The following DCDC2 variants were observed in gnomAD, a reference collection of about 807,000 sequenced individuals.
The protein encoded by DCDC2 is doublecortin domain containing 2, also known as doublecortin domain-containing protein 2.
DCDC2 carries 40 observed loss-of-function variants against 50.2 expected under a neutral mutation model. The ratio of observed to expected loss-of-function variants is 0.80; its 90% CI spans 0.62 to 1.04. The LOEUF is 1.04. Ranked by LOEUF, DCDC2 falls within the 50% of genes least tolerant of loss-of-function variation. The pLI is 0.00. For synonymous variants in DCDC2, 234 were observed against 210.6 expected, an observed-to-expected ratio of 1.11 and a Z score of -0.96; for missense variants, 570 against 581.9, an observed-to-expected ratio of 0.98 and a Z score of 0.21.
intron 6 of DCDC2, among the ~76,000 whole-genome samples, chr6:24,287,342 T>C (rs1440241773): frequency 1.5e-5 from 2 of 129,286 alleles, no homozygotes; most frequent in Non-Finnish European, 3.3e-5. Context: ...TTGTATTGTA[T>C]TGTATTTTAT....
chr6:24,239,454 G>A (rs139229332), intron 7 of DCDC2, among the ~76,000 whole-genome samples: 2,195 of 152,254 alleles, frequency 0.014, 16 homozygotes, highest in Middle Eastern at 0.044. Flanking sequence ...AACTGGGATA[G>A]TTGACCGGCT....
chr6:24,248,269 T>C (rs554335477), intron 7 of DCDC2, among the ~76,000 whole-genome samples: 1 of 152,124 alleles, frequency 6.6e-6, no homozygotes, highest in East Asian at 1.9e-4. Context: ...CAGGACACCA[T>C]ACGGTGCAGT....
intron 2 of DCDC2, among the ~76,000 whole-genome samples, chr6:24,349,400 C>G (rs551496900): frequency 5.9e-5 from 9 of 152,226 alleles, no homozygotes; most frequent in Non-Finnish European, 1.0e-4. Flanking sequence ...AACATGGAAG[C>G]AGAGAGGACA....
intron 2 of DCDC2, among the ~76,000 whole-genome samples, chr6:24,303,371 C>G: frequency 6.6e-6 from 1 of 152,214 alleles, no homozygotes; most frequent in Non-Finnish European, 1.5e-5. Context: ...CTCCTCGTCA[C>G]GCACTGTAGT....
At position 24,278,168 on chromosome 6, in the gene DCDC2, T is replaced by C. The variant is rs928681863; in HGVS notation, c.803A>G (p.Asn268Ser). Residue 268 changes from asparagine to serine, a missense_variant, in exon 7 of 10, where the codon AAC (asparagine) becomes AGC (serine). By Grantham distance (46) the Asn-to-Ser change is conservative (BLOSUM62 1). Transcript: ENST00000378454. ...CCTCTTCAGGGGCTGAGGAGATGAG[T>C]TGTCACTGGATCCAACTGTTGACTT... Reference protein sequence around the residue: ...HSKSTVGSSDNSSPQPLKRKG... With the variant: ...HSKSTVGSSDSSSPQPLKRKG... 11 of 1,613,744 alleles carry C rather than the reference T, an allele frequency of 6.8e-6. No homozygotes were observed. Among genetic ancestry groups the C allele is most frequent in the Non-Finnish European group, 8.5e-6 (10 of 1,179,930 alleles).
rs1760504471 is a variant in DCDC2 at position 24,357,741 on chromosome 6, T to G, written c.10A>C (p.Ser4Arg). ...GACAGGTGGCTGGACCTGGCGCTGC[T>G]GCCGCTCATCTTCCCCGCTGGCCGC... is the stretch of plus-strand genomic sequence containing the variant. MSG[S>R]SARSSHLSQP... is the part of the protein sequence containing the mutation. Residue 4 changes from serine to arginine, a missense_variant, in exon 1 of 10, where the codon AGC (serine) becomes CGC (arginine). By Grantham distance (110) the Ser-to-Arg change is moderately radical. Coordinates refer to ENST00000378454, the MANE Select transcript of DCDC2 (RefSeq NM_016356.5). 20 of 1,612,300 alleles carry G rather than the reference T, an allele frequency of 1.2e-5. No individual in the cohort carries two copies. Among genetic ancestry groups the G allele is most frequent in the Non-Finnish European group, 1.7e-5 (20 of 1,179,408 alleles).
At chr6:24,365,361 G>A in the DCDC2 span, among the ~76,000 whole-genome samples, 5 of 152,294 alleles carry the variant, frequency 3.3e-5, no homozygotes, top group East Asian at 5.8e-4. Flanking sequence ...GCATGATCTC[G>A]GCTTACTGCA....
chr6:24,308,678 T>C (rs772762004), intron 2 of DCDC2, among the ~76,000 whole-genome samples: 4 of 152,030 alleles, frequency 2.6e-5, no homozygotes, highest in Admixed American at 6.6e-5. Context: ...GTTAAAAAAT[T>C]CAGTAGAAAA....
At chr6:24,248,509 G>A (rs2113797108) in intron 7 of DCDC2, among the ~76,000 whole-genome samples, 1 of 152,152 alleles carries the variant, frequency 6.6e-6, no homozygotes, top group East Asian at 1.9e-4. Context: ...TATTAGTATT[G>A]GTAGTATTAG....
chr6:24,193,192 C>A (rs1278730609), intron 8 of DCDC2, among the ~76,000 whole-genome samples: 1 of 151,948 alleles, frequency 6.6e-6, no homozygotes, highest in Non-Finnish European at 1.5e-5. Flanking sequence ...TTCAGACATG[C>A]AAAGTCTCAG....
intron 2 of DCDC2, among the ~76,000 whole-genome samples, chr6:24,338,102 T>G (rs561038399): frequency 6.6e-6 from 1 of 152,342 alleles, no homozygotes; most frequent in South Asian, 2.1e-4. Flanking sequence ...GTTTTCATTA[T>G]CAATTTCCTC....
At position 24,324,303 on chromosome 6, in the gene DCDC2, C is replaced by G. The variant is rs189372949; in HGVS notation, c.349-22259G>C. ...ACCACCCCCTTACCTAATCAGCCCA[C>G]TGTAAGCTAATCTCTATCCTACTAG... On this transcript the variant is annotated intron_variant, in intron 2 of 9. Transcript: ENST00000378454. Among the ~76,000 whole-genome samples the G allele has an allele frequency of 1.6e-4, 25 of 152,314 alleles. No individual in the cohort carries two copies. The East Asian group carries it at 3.9e-3, about 23-fold the overall frequency.
chr6:24,275,591 G>A (rs1222416534), intron 7 of DCDC2, among the ~76,000 whole-genome samples: 2 of 151,978 alleles, frequency 1.3e-5, no homozygotes, highest in Non-Finnish European at 2.9e-5. Flanking sequence ...CACCAGCAGC[G>A]TTTCCTGTAA....
chr6:24,357,558 T>C lies in DCDC2; in HGVS notation c.193A>G (p.Ile65Val), dbSNP rs779527972. Residue 65 changes from isoleucine to valine, a missense_variant, in exon 1 of 10, where the codon ATC becomes GTC. Physicochemically the swap from Ile to Val is conservative, Grantham distance 29 (BLOSUM62 3). Transcript: ENST00000378454. ...VQAPFGAVRN[I>V]YTPRTGHRIR... ...CGGTGGCCAGTCCGCGGGGTGTAGA[T>C]GTTCCTGACGGCCCCAAAGGGTGCC... 3 of 1,613,564 alleles carry C rather than the reference T, an allele frequency of 1.9e-6. No homozygotes were observed. The highest frequency in any genetic ancestry group is 2.2e-5 in the East Asian group (1 of 44,882).
At chr6:24,363,023 G>A (rs1760695028), upstream of DCDC2, among the ~76,000 whole-genome samples, 1 of 152,192 alleles carries the variant, frequency 6.6e-6, no homozygotes, top group Non-Finnish European at 1.5e-5. Flanking sequence ...GTAGAATGAG[G>A]AGCGGAATGC....
At chr6:24,208,987 C>T (rs937650308) in intron 7 of DCDC2, among the ~76,000 whole-genome samples, 1 of 152,176 alleles carries the variant, frequency 6.6e-6, no homozygotes, top group Non-Finnish European at 1.5e-5. Context: ...TGTGAGTGTT[C>T]AAAAGTAAAT....
At chr6:24,375,130 G>A in the DCDC2 span, among the ~76,000 whole-genome samples, 1 of 152,184 alleles carries the variant, frequency 6.6e-6, no homozygotes, top group Non-Finnish European at 1.5e-5. Context: ...TGTGAATAAA[G>A]AGAATGCAGG....
At chr6:24,233,838 G>A (rs1165701414) in intron 7 of DCDC2, among the ~76,000 whole-genome samples, 2 of 152,156 alleles carry the variant, frequency 1.3e-5, no homozygotes, top group Admixed American at 1.3e-4. Context: ...TTGTATATAG[G>A]ATGGTGAAAT....
chr6:24,215,378 T>A (rs1434616224), intron 7 of DCDC2, among the ~76,000 whole-genome samples: 1 of 152,028 alleles, frequency 6.6e-6, no homozygotes, highest in Non-Finnish European at 1.5e-5. Flanking sequence ...ATGAAGATAA[T>A]GAAGAGCAAC....
Sources: allele counts gnomAD v4.1 joint callset (sites outside exome capture counted in the v4.1 genomes callset), GRCh38; gene constraint gnomAD v4.1.1; transcripts MANE v1.5; gene names NCBI Gene and HGNC (gene_info 2026-07-23, HGNC 2026-07-21).